NREP: variants seen among roughly 807,000 people sequenced by gnomAD.
The protein encoded by NREP is neuronal regeneration-related protein.
Under a neutral mutation model 8.6 loss-of-function variants are expected in NREP, and 5 were observed. The ratio of observed to expected loss-of-function variants is 0.58; its 90% CI spans 0.30 to 1.22. The LOEUF is 1.22. Ranked by LOEUF, NREP falls within the 50% of genes most tolerant of loss-of-function variation. The pLI is 0.07. For synonymous variants in NREP, 27 were observed against 28.0 expected (o/e 0.96, Z 0.11); for missense variants, 86 against 82.5 (o/e 1.04, Z -0.17).
chr5:111,805,579 T>C (rs1752121048), intron 2 of NREP, among the ~76,000 whole-genome samples: 2 of 152,224 alleles, frequency 1.3e-5, no homozygotes, highest in African/African-American at 2.4e-5. Flanking sequence ...GTATATGTGA[T>C]GTGTGCACAC....
intron 2 of NREP, among the ~76,000 whole-genome samples, chr5:111,771,280 G>A (rs1271619632): frequency 6.6e-6 from 1 of 152,144 alleles, no homozygotes; most frequent in Non-Finnish European, 1.5e-5. Flanking sequence ...ACACTTCACA[G>A]ATTCTTTGAG....
chr5:111,832,929 T>G (rs1006560214), intron 2 of NREP, among the ~76,000 whole-genome samples: 1 of 152,052 alleles, frequency 6.6e-6, no homozygotes, highest in Admixed American at 6.6e-5. Context: ...TAAATAAGAG[T>G]AGAGCCCTAA....
upstream of NREP, among the ~76,000 whole-genome samples, chr5:111,760,214 T>C (rs143728797): frequency 1.2e-4 from 18 of 152,326 alleles, no homozygotes; most frequent in East Asian, 1.2e-3. Context: ...ATCAGATGCC[T>C]GTAGGAAACG....
chr5:111,871,452 A>C (rs575066858), intron 2 of NREP, among the ~76,000 whole-genome samples: 102 of 152,276 alleles, frequency 6.7e-4, no homozygotes, highest in Non-Finnish European at 8.4e-4. Flanking sequence ...GTGAAGGCCT[A>C]GTACATTATA....
chr5:111,920,767 G>A (rs1374969741), intron 2 of NREP, among the ~76,000 whole-genome samples: 1 of 152,024 alleles, frequency 6.6e-6, no homozygotes, highest in South Asian at 2.1e-4. Flanking sequence ...TCTTCCTACT[G>A]CACATTTATA....
At chr5:111,917,049 T>C (rs974891994) in intron 2 of NREP, among the ~76,000 whole-genome samples, 2 of 152,140 alleles carry the variant, frequency 1.3e-5, no homozygotes, top group Non-Finnish European at 1.5e-5. Context: ...TGGGGTTTTA[T>C]ATGTTGGCAT....
intron 2 of NREP, among the ~76,000 whole-genome samples, chr5:111,753,924 A>G (rs189048216): frequency 1.3e-5 from 2 of 152,284 alleles, no homozygotes; most frequent in African/African-American, 2.4e-5. Context: ...TTTTACATTA[A>G]TATGTGCAAA....
At chr5:111,867,934 A>T (rs1753704909) in intron 2 of NREP, among the ~76,000 whole-genome samples, 2 of 152,118 alleles carry the variant, frequency 1.3e-5, no homozygotes, top group South Asian at 4.1e-4. Context: ...CTAATTCTAG[A>T]ACACTTTTAT....
chr5:111,728,940 G>GTCT (rs1748324840), downstream of NREP: 1 of 132,638 alleles, frequency 7.5e-6, no homozygotes, highest in African/African-American at 3.9e-5. Context: ...CACAGAGTGG[G>GTCT]TCTTAAAGAA....
At chr5:111,781,941 T>G (rs1046344065) in intron 2 of NREP, among the ~76,000 whole-genome samples, 1 of 152,200 alleles carries the variant, frequency 6.6e-6, no homozygotes, top group East Asian at 1.9e-4. Flanking sequence ...AACCATGTGA[T>G]TAAAAATTTA....
chr5:111,802,110 C>A (rs974757091), intron 2 of NREP, among the ~76,000 whole-genome samples: 1 of 152,078 alleles, frequency 6.6e-6, no homozygotes, highest in Non-Finnish European at 1.5e-5. Flanking sequence ...CGGCTGAATA[C>A]CTCTATTTAA....
intron 2 of NREP, among the ~76,000 whole-genome samples, chr5:111,859,202 C>G (rs1157959430): frequency 6.6e-6 from 1 of 152,058 alleles, no homozygotes; most frequent in Non-Finnish European, 1.5e-5. Context: ...CATTGAAAAG[C>G]CTTTATCTAG....
chr5:111,940,677 G>A (rs898247756), intron 2 of NREP, among the ~76,000 whole-genome samples: 1 of 151,986 alleles, frequency 6.6e-6, no homozygotes, highest in African/African-American at 2.4e-5. Context: ...GTGACCTCAT[G>A]CAAACATTAG....
upstream of NREP, among the ~76,000 whole-genome samples, chr5:111,758,384 A>C (rs1750866744): frequency 6.6e-6 from 1 of 152,232 alleles, no homozygotes; most frequent in Admixed American, 6.5e-5. Flanking sequence ...GGATTGCTTT[A>C]AAAAATAAAG....
chr5:111,929,258 A>G (rs1755473907), intron 2 of NREP, among the ~76,000 whole-genome samples: 1 of 152,228 alleles, frequency 6.6e-6, no homozygotes, highest in Non-Finnish European at 1.5e-5. Context: ...TATGATATGA[A>G]TATTTTATAA....
intron 2 of NREP, among the ~76,000 whole-genome samples, chr5:111,814,493 C>A (rs1012779654): frequency 2.0e-5 from 3 of 152,066 alleles, no homozygotes; most frequent in Non-Finnish European, 4.4e-5. Flanking sequence ...TTTCTTTTTG[C>A]TTGATTTCTG....
chr5:111,868,934 T>A (rs574544941), intron 2 of NREP, among the ~76,000 whole-genome samples: 2 of 152,212 alleles, frequency 1.3e-5, no homozygotes, highest in East Asian at 3.8e-4. Flanking sequence ...GTATAGGTTT[T>A]TGAGTAGTGG....
At position 111,755,778 on chromosome 5, in the gene NREP, G is replaced by T. The variant is rs751859324; in HGVS notation, c.-6C>A. The T allele has an allele frequency of 1.9e-6, 3 of 1,613,744 alleles. No individual in the cohort carries two copies. Among genetic ancestry groups the T allele is most frequent in the Non-Finnish European group, 2.5e-6 (3 of 1,179,804 alleles). On this transcript the variant is annotated 5_prime_UTR_variant, in exon 2 of 4. Coordinates refer to ENST00000257435, the MANE Select transcript of NREP (RefSeq NM_004772.4). ...TGATGACCAAGTCTTACCATTTTGA[G>T]AATCTTAGTCTTGGGCTTCTATTCT...
intron 2 of NREP, among the ~76,000 whole-genome samples, chr5:111,882,527 G>T (rs1163022650): frequency 1.3e-5 from 2 of 152,144 alleles, no homozygotes; most frequent in African/African-American, 4.8e-5. Flanking sequence ...ACACATAATT[G>T]TCAGATTCAC....
Sources: allele counts gnomAD v4.1 joint callset (sites outside exome capture counted in the v4.1 genomes callset), GRCh38; gene constraint gnomAD v4.1.1; transcripts MANE v1.5; gene names NCBI Gene and HGNC (gene_info 2026-07-23, HGNC 2026-07-21).